Variants in ANKS1B observed in about 807,000 individuals in gnomAD.
ANKS1B encodes the protein ankyrin repeat and sterile alpha motif domain-containing protein 1B.
A neutral mutation model predicts 148.3 loss-of-function variants in ANKS1B; 36 were observed. The ratio of observed to expected loss-of-function variants is 0.24; its 90% CI spans 0.19 to 0.32. ANKS1B has a LOEUF of 0.32. ANKS1B is among the 10% of genes least tolerant of loss of function. The pLI is 1.00. For synonymous variants in ANKS1B, 542 were observed against 560.8 expected (o/e 0.97, Z 0.47); for missense variants, 1,157 against 1,542.6 (o/e 0.75, Z 4.19).
chr12:99,731,413 C>CGTGTGTGTGTGTGTGTGTGTGTGT (rs71088145), intron 8 of ANKS1B, among the ~76,000 whole-genome samples: 2 of 143,726 alleles, frequency 1.4e-5, no homozygotes, highest in African/African-American at 2.6e-5. Context: ...ACCACCGTGC[C>CGTGTGTGTGTGTGTGTGTGTGTGT]GTGTGTGTGT....
chr12:99,619,052 C>CTG (rs1394335730), intron 9 of ANKS1B, among the ~76,000 whole-genome samples: 1 of 152,040 alleles, frequency 6.6e-6, no homozygotes, highest in Non-Finnish European at 1.5e-5. Flanking sequence ...TGGTGACCTG[C>CTG]TGTGTGTGTG....
intron 17 of ANKS1B, among the ~76,000 whole-genome samples, chr12:99,007,010 C>T (rs2099936529): frequency 1.3e-5 from 2 of 152,078 alleles, no homozygotes; most frequent in South Asian, 4.1e-4. Context: ...GAAAACTATA[C>T]AAACTGACAG....
intron 1 of ANKS1B, among the ~76,000 whole-genome samples, chr12:99,825,791 C>T (rs554911690): frequency 6.6e-5 from 10 of 152,150 alleles, no homozygotes; most frequent in South Asian, 6.2e-4. Flanking sequence ...TCTGAGGTGC[C>T]GGTGATTTAT....
intron 12 of ANKS1B, among the ~76,000 whole-genome samples, chr12:99,397,173 C>T (rs557817144): frequency 6.6e-6 from 1 of 152,168 alleles, no homozygotes; most frequent in African/African-American, 2.4e-5. Context: ...ATTGTTATTG[C>T]TACTACTACT....
intron 2 of ANKS1B, among the ~76,000 whole-genome samples, chr12:99,815,197 C>T (rs10778026): frequency 0.61 from 92,196 of 151,450 alleles, 28,259 homozygotes; most frequent in South Asian, 0.67. Context: ...TCAAATTTTA[C>T]TGACATTTTC....
intron 17 of ANKS1B, among the ~76,000 whole-genome samples, chr12:98,898,414 T>C (rs1338209862): frequency 1.3e-5 from 2 of 152,102 alleles, no homozygotes; most frequent in African/African-American, 2.4e-5. Flanking sequence ...ATAGCCCCTA[T>C]TCATTGTCAA....
At chr12:98,860,303 T>C (rs1175914480) in intron 17 of ANKS1B, among the ~76,000 whole-genome samples, 1 of 152,246 alleles carries the variant, frequency 6.6e-6, no homozygotes, top group Non-Finnish European at 1.5e-5. Context: ...GTGTCAGCTC[T>C]TCAAACTGGG....
At chr12:99,800,183 G>T (rs1001913260) in intron 4 of ANKS1B, among the ~76,000 whole-genome samples, 4 of 151,964 alleles carry the variant, frequency 2.6e-5, no homozygotes, top group African/African-American at 9.7e-5. Flanking sequence ...CAATGGAACT[G>T]GTGTCCTTAT....
intron 11 of ANKS1B, among the ~76,000 whole-genome samples, chr12:99,427,056 T>C (rs1460492921): frequency 1.3e-5 from 2 of 152,214 alleles, no homozygotes; most frequent in Non-Finnish European, 2.9e-5. Flanking sequence ...CATTTCCCTA[T>C]ACTTCGGATT....
intron 14 of ANKS1B, among the ~76,000 whole-genome samples, chr12:99,238,446 A>G (rs2088494595): frequency 6.6e-6 from 1 of 152,210 alleles, no homozygotes; most frequent in South Asian, 2.1e-4. Flanking sequence ...AGCAAGGCCT[A>G]CTGCCTCTCT....
At chr12:99,739,383 A>C (rs867207475) in intron 8 of ANKS1B, among the ~76,000 whole-genome samples, 19 of 49,098 alleles carry the variant, frequency 3.9e-4, no homozygotes, top group Non-Finnish European at 6.8e-4. Context: ...AAAGCTAAAA[A>C]AAAACTCCAT....
chr12:99,116,118 A>G (rs142494140), intron 15 of ANKS1B, among the ~76,000 whole-genome samples: 2 of 152,212 alleles, frequency 1.3e-5, no homozygotes, highest in African/African-American at 4.8e-5. Context: ...GGATTAGTGA[A>G]TTTTATGTGC....
chr12:98,895,160 C>T, intron 17 of ANKS1B: 2 of 984,858 alleles, frequency 2.0e-6, no homozygotes, highest in Non-Finnish European at 2.4e-6. Context: ...ACTGCGAGAG[C>T]GATGCGGGCC....
chr12:99,104,683 T>G (rs900561817), intron 15 of ANKS1B: 2 of 152,190 alleles, frequency 1.3e-5, no homozygotes, highest in Non-Finnish European at 2.9e-5. Flanking sequence ...AGGTTGTACA[T>G]CCTCTTACTC....
chr12:98,787,941 A>G (rs1426981792), intron 22 of ANKS1B, among the ~76,000 whole-genome samples: 1 of 33,648 alleles, frequency 3.0e-5, no homozygotes, highest in Non-Finnish European at 7.0e-5. Flanking sequence ...CTCCATCTCC[A>G]AAAAAAAAAA....
chr12:99,212,460 G>A (rs537086493), intron 14 of ANKS1B, among the ~76,000 whole-genome samples: 1 of 152,088 alleles, frequency 6.6e-6, no homozygotes, highest in Admixed American at 6.5e-5. Flanking sequence ...CCAGCTGACA[G>A]AAGTATTTCC....
intron 9 of ANKS1B, among the ~76,000 whole-genome samples, chr12:99,579,092 A>T (rs183204470): frequency 1.4e-3 from 213 of 152,292 alleles, no homozygotes; most frequent in African/African-American, 4.8e-3. Flanking sequence ...ATAACAAGCA[A>T]TGGGGAAAGG....
intron 12 of ANKS1B, among the ~76,000 whole-genome samples, chr12:99,344,609 A>G (rs966992059): frequency 2.6e-5 from 4 of 152,074 alleles, no homozygotes; most frequent in Admixed American, 2.6e-4. Context: ...ATAATTTCTT[A>G]AAAATAAAAT....
chr12:98,791,439 T>C (rs1192439174), intron 22 of ANKS1B, among the ~76,000 whole-genome samples: 1 of 152,166 alleles, frequency 6.6e-6, no homozygotes, highest in Non-Finnish European at 1.5e-5. Context: ...TGCGATTCAA[T>C]AGACACACAA....
Sources: allele counts gnomAD v4.1 joint callset (sites outside exome capture counted in the v4.1 genomes callset), GRCh38; gene constraint gnomAD v4.1.1; transcripts MANE v1.5; gene names NCBI Gene and HGNC (gene_info 2026-07-23, HGNC 2026-07-21).